Variants in LRP6 observed in about 807,000 individuals in gnomAD.
LRP6 encodes the protein low-density lipoprotein receptor-related protein 6.
Under a neutral mutation model 184.1 loss-of-function variants are expected in LRP6, and 43 were observed. The ratio of observed to expected loss-of-function variants is 0.23; its 90% CI spans 0.18 to 0.30. The LOEUF (loss-of-function observed/expected upper bound fraction) is 0.30, where lower values mean the gene tolerates loss of function less well. Ranked by LOEUF, LRP6 falls within the 10% of genes least tolerant of loss-of-function variation. The pLI is 1.00. For missense variants in LRP6, 1,571 were observed against 2,005.3 expected (o/e 0.78, Z 4.14); for synonymous variants, 719 against 684.9 (o/e 1.05, Z -0.78).
At chr12:12,179,274 T>C (rs1863272779) in intron 7 of LRP6, among the ~76,000 whole-genome samples, 1 of 152,140 alleles carries the variant, frequency 6.6e-6, no homozygotes, top group Non-Finnish European at 1.5e-5. Flanking sequence ...ACACAGCCCA[T>C]AAATCAATTT....
At chr12:12,200,577 C>T (rs2137036555) in intron 3 of LRP6, among the ~76,000 whole-genome samples, 2 of 152,342 alleles carry the variant, frequency 1.3e-5, no homozygotes, top group Non-Finnish European at 2.9e-5. Flanking sequence ...CAGCCCCTCT[C>T]ATCTTCCCCT....
intron 3 of LRP6, among the ~76,000 whole-genome samples, chr12:12,188,002 G>A (rs1208690593): frequency 3.3e-5 from 5 of 152,020 alleles, no homozygotes; most frequent in Admixed American, 1.3e-4. Context: ...ACAAGGTCAG[G>A]AGTTCAAGAC....
At chr12:12,261,980 C>T (rs1434421897) in intron 1 of LRP6, among the ~76,000 whole-genome samples, 1 of 152,208 alleles carries the variant, frequency 6.6e-6, no homozygotes, top group African/African-American at 2.4e-5. Flanking sequence ...CGGTGGCTCA[C>T]GCCTGTAATC....
intron 1 of LRP6, among the ~76,000 whole-genome samples, chr12:12,250,911 C>T (rs969734111): frequency 6.6e-6 from 1 of 151,620 alleles, no homozygotes; most frequent in Non-Finnish European, 1.5e-5. Flanking sequence ...CGTGAGCCAA[C>T]GCACCTGGCT....
rs933907216 is a variant in LRP6 at position 12,118,336 on chromosome 12, T to C, written c.*2790A>G. ...CCTTAGTTATAAAAGACCACTTCAA[T>C]GCAGAATAGCTTACTGTGGTGCACA... On this transcript the variant is annotated 3_prime_UTR_variant, in exon 23 of 23. Transcript: ENST00000261349. The C allele has an allele frequency of 6.6e-6, 1 of 152,236 alleles. No homozygotes were observed. The highest frequency in any genetic ancestry group is 6.5e-5 in the Admixed American group (1 of 15,284). The allele number at this position is 152,236 out of a possible 1,614,324, so 9.4% of individuals were successfully genotyped here. A position where few individuals can be genotyped will look rare whatever the true frequency, so the allele number is the denominator to read the frequency against.
intron 8 of LRP6, 142 bp downstream of exon 8, chr12:12,164,937 A>T: frequency 2.7e-6 from 1 of 367,710 alleles, no homozygotes; most frequent in Non-Finnish European, 4.9e-6. Context: ...AAAAAAAAAA[A>T]AAAAAAAAAA....
intron 2 of LRP6, among the ~76,000 whole-genome samples, chr12:12,242,781 T>C (rs1352879246): frequency 6.6e-6 from 1 of 152,218 alleles, no homozygotes; most frequent in African/African-American, 2.4e-5. Flanking sequence ...CATATTTGTA[T>C]TTCCAGACAT....
intron 2 of LRP6, among the ~76,000 whole-genome samples, chr12:12,236,046 G>GA (rs1440009390): frequency 6.6e-6 from 1 of 152,104 alleles, no homozygotes; most frequent in Non-Finnish European, 1.5e-5. Context: ...TAACAGGTGT[G>GA]AAACCCCGTC....
chr12:12,164,636 T>C (rs1565586413), intron 8 of LRP6, 74 bp from the exon 9 acceptor site: 1 of 1,455,624 alleles, frequency 6.9e-7, no homozygotes, highest in African/African-American at 1.4e-5. Flanking sequence ...CACTTTTAAA[T>C]TACTTAAGCG....
chr12:12,240,809 G>C (rs1052867571), intron 2 of LRP6, among the ~76,000 whole-genome samples: 3 of 152,036 alleles, frequency 2.0e-5, no homozygotes, highest in Admixed American at 2.0e-4. Flanking sequence ...GGTAACTGTG[G>C]AATCAGACTG....
chr12:12,130,905 A>T lies in LRP6; in HGVS notation c.3971-12T>A, dbSNP rs189177384. The T allele has an allele frequency of 4.2e-6, 6 of 1,432,402 alleles. No individual in the cohort carries two copies. Among genetic ancestry groups the T allele is most frequent in the Non-Finnish European group, 5.9e-6 (6 of 1,014,262 alleles). The allele number at this position is 1,432,402 out of a possible 1,614,324, so 88.7% of individuals were successfully genotyped here. Reference sequence around the variant, plus strand: ...AATTAAACAAAGCACTGGAAAAAAAACATAAATAGTTTCCTTATTTTTAAT... The same window carrying T: ...AATTAAACAAAGCACTGGAAAAAAATCATAAATAGTTTCCTTATTTTTAAT... On this transcript the variant is annotated splice_polypyrimidine_tract_variant and intron_variant, in intron 18 of 22. Coordinates refer to ENST00000261349, the MANE Select transcript of LRP6 (RefSeq NM_002336.3).
At chr12:12,218,279 C>A (rs755092430) in intron 2 of LRP6, among the ~76,000 whole-genome samples, 4 of 151,974 alleles carry the variant, frequency 2.6e-5, no homozygotes, top group Admixed American at 6.6e-5. Context: ...TCAAGACCAG[C>A]CTGGGCAACA....
chr12:12,265,735 G>A (rs1222258972), intron 1 of LRP6, among the ~76,000 whole-genome samples: 2 of 152,188 alleles, frequency 1.3e-5, no homozygotes, highest in African/African-American at 2.4e-5. Flanking sequence ...AATAGTTTGA[G>A]AAGAGCTGCC....
chr12:12,196,912 C>A (rs952402019), intron 3 of LRP6, among the ~76,000 whole-genome samples: 2 of 152,100 alleles, frequency 1.3e-5, no homozygotes, highest in South Asian at 4.1e-4. Context: ...TAGACCCATT[C>A]GTTCACCAAA....
At chr12:12,141,971 G>A (rs188381743) in intron 15 of LRP6, among the ~76,000 whole-genome samples, 2 of 152,246 alleles carry the variant, frequency 1.3e-5, no homozygotes, top group African/African-American at 2.4e-5. Context: ...AAATTCACAC[G>A]TGTATTTTGG....
rs969965544 is a variant in LRP6 at position 12,116,228 on chromosome 12, G to A, written c.*4898C>T. ...GCCATTATAACATAAATACATCCTT[G>A]CAAAGCACCATCGTACCAAAGTCAA... On this transcript the variant is annotated 3_prime_UTR_variant, in exon 23 of 23. Coordinates refer to ENST00000261349, the MANE Select transcript of LRP6 (RefSeq NM_002336.3). 2.0e-5 allele frequency: 3 copies of A among 152,156 alleles called. No individual in the cohort carries two copies. Among genetic ancestry groups the A allele is most frequent in the Non-Finnish European group, 4.4e-5 (3 of 68,026 alleles). The allele number at this position is 152,156 out of a possible 1,614,324, so 9.4% of individuals were successfully genotyped here. A position where few individuals can be genotyped will look rare whatever the true frequency, so the allele number is the denominator to read the frequency against.
At chr12:12,187,302 A>G in intron 3 of LRP6, 183 bp from the exon 4 acceptor site, 2 of 621,320 alleles carry the variant, frequency 3.2e-6, no homozygotes, top group South Asian at 3.9e-5. Context: ...ATATATTTTT[A>G]AGGTGTCCAA....
chr12:12,228,197 C>T (rs1342592112), intron 2 of LRP6, among the ~76,000 whole-genome samples: 1 of 151,410 alleles, frequency 6.6e-6, no homozygotes, highest in Non-Finnish European at 1.5e-5. Flanking sequence ...ATGGTGAAAC[C>T]CCCGTTTCTA....
At position 12,249,671 on chromosome 12, in the gene LRP6, A is replaced by AGAAGGAAGGAAGGAAG. The variant is rs3053796; in HGVS notation, c.56-5032_56-5017dup. ...TGAAATATATAAGTTGTGCTATAAC[A>AGAAGGAAGGAAGGAAG]GAAGGAAGGAAGGAAGGAAGGAAGG... On this transcript the variant is annotated intron_variant, in intron 1 of 22. Transcript: ENST00000261349. 1.5e-3 allele frequency among the ~76,000 whole-genome samples: 214 copies of AGAAGGAAGGAAGGAAG among 141,554 alleles called. 2 individuals are homozygous for AGAAGGAAGGAAGGAAG. The highest frequency in any genetic ancestry group is 4.9e-3 in the African/African-American group (177 of 36,380). 92.9% of individuals were successfully genotyped at this position (141,554 alleles called of 152,430 possible).
Sources: gnomAD v4.1 joint callset for allele counts (sites outside exome capture counted in the v4.1 genomes callset) on GRCh38, gnomAD v4.1.1 for gene constraint, MANE v1.5 for transcripts, NCBI Gene and HGNC (gene_info 2026-07-23, HGNC 2026-07-21) for gene names.